The following RHOBTB3 variants were observed in gnomAD, a reference collection of about 807,000 sequenced individuals.
The protein encoded by RHOBTB3 is Rho related BTB domain containing 3.
In RHOBTB3, 47 loss-of-function variants were observed where a neutral mutation model predicts 67.2. That is an observed-to-expected ratio of 0.70 (90% CI 0.55 to 0.89). The LOEUF (loss-of-function observed/expected upper bound fraction) is 0.89. Ranked by LOEUF, RHOBTB3 falls within the 40% of genes least tolerant of loss-of-function variation. RHOBTB3 has a pLI of 0.00. For synonymous variants in RHOBTB3, 273 were observed against 274.2 expected (o/e 1.00, Z 0.04); for missense variants, 631 against 750.0 (o/e 0.84, Z 1.85).
chr5:95,774,490 G>T (rs1209533665), intron 8 of RHOBTB3, among the ~76,000 whole-genome samples: 1 of 152,048 alleles, frequency 6.6e-6, no homozygotes, highest in African/African-American at 2.4e-5. Flanking sequence ...CTTACTGTAG[G>T]TGTAAATTTA....
intron 1 of RHOBTB3, among the ~76,000 whole-genome samples, chr5:95,722,892 AG>A (rs1289442191): frequency 2.0e-5 from 3 of 152,246 alleles, no homozygotes; most frequent in Non-Finnish European, 4.4e-5. Flanking sequence ...TAGTAGAAAC[AG>A]GGAGTTCTGA....
At chr5:95,730,879 G>A (rs1456596308), upstream of RHOBTB3, 3 of 455,872 alleles carry the variant, frequency 6.6e-6, no homozygotes, top group Non-Finnish European at 1.3e-5. Flanking sequence ...GTTGACAAAT[G>A]AGAAAGCGGC....
At chr5:95,721,453 C>G (rs548041228) in intron 1 of RHOBTB3, among the ~76,000 whole-genome samples, 60 of 152,180 alleles carry the variant, frequency 3.9e-4, no homozygotes, top group African/African-American at 1.4e-3. Flanking sequence ...ACAGAATGGG[C>G]CTTGTCGGAG....
intron 3 of RHOBTB3, among the ~76,000 whole-genome samples, chr5:95,738,951 C>T (rs1475902630): frequency 6.6e-6 from 1 of 152,188 alleles, no homozygotes; most frequent in Admixed American, 6.5e-5. Context: ...TTTCTCCCCT[C>T]CTCCCACACA....
chr5:95,778,668 C>T (rs1745962555), intron 8 of RHOBTB3, among the ~76,000 whole-genome samples: 1 of 152,206 alleles, frequency 6.6e-6, no homozygotes, highest in Admixed American at 6.5e-5. Flanking sequence ...TTAAGTCATG[C>T]TTCTAATTTT....
At chr5:95,736,740 A>G in intron 2 of RHOBTB3, 149 bp from the exon 3 acceptor site, 2 of 547,328 alleles carry the variant, frequency 3.7e-6, no homozygotes, top group Non-Finnish European at 6.3e-6. Flanking sequence ...TTTTAAAAAG[A>G]GAGTTGGCAG....
At position 95,793,179 on chromosome 5, in the gene RHOBTB3, G is replaced by C. The variant is rs747123782; in HGVS notation, c.*5G>C. 3 of 1,554,766 alleles carry C rather than the reference G, an allele frequency of 1.9e-6. No individual in the cohort carries two copies. Among genetic ancestry groups the C allele is most frequent in the East Asian group, 4.5e-5 (2 of 44,292 alleles). On this transcript the variant is annotated 3_prime_UTR_variant, in exon 12 of 12. Coordinates refer to ENST00000379982, the MANE Select transcript of RHOBTB3 (RefSeq NM_014899.4). ...TGTCGTTGCTTAGTAATGTAACCTG[G>C]AGCTTTTATACACTACATTTCTTTT...
At position 95,783,778 on chromosome 5, in the gene RHOBTB3, A is replaced by G. The variant is rs1746137806; in HGVS notation, c.1457-19A>G. ...ATGGTTTCATCATCCACTTTCTCTC[A>G]TGTCCCTTTTCTCATCAGCTGGCAT... On this transcript the variant is annotated intron_variant, in intron 9 of 11. Coordinates refer to ENST00000379982, the MANE Select transcript of RHOBTB3 (RefSeq NM_014899.4). 1 of 1,593,104 alleles carries G rather than the reference A, an allele frequency of 6.3e-7. No individual in the cohort carries two copies. Among genetic ancestry groups the G allele is most frequent in the African/African-American group, 1.3e-5 (1 of 74,470 alleles).
At chr5:95,742,679 C>T (rs1755632389) in intron 3 of RHOBTB3, among the ~76,000 whole-genome samples, 1 of 152,156 alleles carries the variant, frequency 6.6e-6, no homozygotes, top group African/African-American at 2.4e-5. Flanking sequence ...TGCTATTCTG[C>T]CTTATTAAAT....
chr5:95,771,074 A>G (rs1325799371), intron 8 of RHOBTB3, among the ~76,000 whole-genome samples: 1 of 152,248 alleles, frequency 6.6e-6, no homozygotes, highest in Non-Finnish European at 1.5e-5. Flanking sequence ...ACAGCAGATG[A>G]GAAGTTAAGA....
intron 3 of RHOBTB3, among the ~76,000 whole-genome samples, chr5:95,747,758 A>C (rs1211243993): frequency 6.6e-6 from 1 of 152,338 alleles, no homozygotes. Flanking sequence ...TCTGAAGTCA[A>C]ATGCGTTAGA....
At position 95,780,438 on chromosome 5, in the gene RHOBTB3, A is replaced by G. The variant is rs1212042995; in HGVS notation, c.1456+13A>G. ...TCCTGCTGCCCAGGTTAGCAATACA[A>G]ATGTTGATAGTATCTCAGAATTCTT... is the stretch of plus-strand genomic sequence containing the variant. On this transcript the variant is annotated intron_variant, in intron 9 of 11. Transcript: ENST00000379982. 6.2e-7 allele frequency: 1 copy of G among 1,608,056 alleles called. No homozygotes were observed. Among genetic ancestry groups the G allele is most frequent in the Non-Finnish European group, 8.5e-7 (1 of 1,174,822 alleles).
intron 2 of RHOBTB3, among the ~76,000 whole-genome samples, chr5:95,734,093 T>C (rs1755387715): frequency 6.6e-6 from 1 of 152,174 alleles, no homozygotes. Flanking sequence ...GCTCTATAAG[T>C]GGTAGCTAAT....
intron 7 of RHOBTB3, among the ~76,000 whole-genome samples, chr5:95,766,276 T>G (rs1745540805): frequency 6.6e-6 from 1 of 151,850 alleles, no homozygotes; most frequent in Admixed American, 6.6e-5. Context: ...GTTATATGTT[T>G]ATTTCTTAGG....
At position 95,761,811 on chromosome 5, in the gene RHOBTB3, G is replaced by A. The variant is rs1745403741; in HGVS notation, c.1049-1697G>A. 2.6e-5 allele frequency among the ~76,000 whole-genome samples: 4 copies of A among 152,190 alleles called. No homozygotes were observed. In the South Asian group the frequency reaches 8.3e-4, roughly 32 times the overall value. On this transcript the variant is annotated intron_variant, in intron 6 of 11. Transcript: ENST00000379982. The stretch of plus-strand genomic sequence containing the variant: ...TAATTTTATTGATCTGGGATCCATT[G>A]GCTTCTAAGGGGTTCTTACACTCTC...
At chr5:95,731,090 G>A (rs1755216932), upstream of RHOBTB3, 2 of 1,098,710 alleles carry the variant, frequency 1.8e-6, no homozygotes, top group African/African-American at 3.4e-5. Context: ...CGGATTGGCG[G>A]CTGGGAGCTC....
At chr5:95,769,251 G>T in intron 8 of RHOBTB3, 1 of 386,746 alleles carries the variant, frequency 2.6e-6, no homozygotes, top group Non-Finnish European at 5.1e-6. Flanking sequence ...TTGGCTTCAA[G>T]GATAAATGTA....
Position 95,788,761 on chromosome 5 carries a change from G to A in RHOBTB3, c.1624-1G>A. The A allele has an allele frequency of 6.3e-7, 1 of 1,582,968 alleles. No individual in the cohort carries two copies. Among genetic ancestry groups the A allele is most frequent in the South Asian group, 1.2e-5 (1 of 85,534 alleles). On this transcript the variant is annotated splice_acceptor_variant, in intron 10 of 11. Coordinates refer to ENST00000379982, the MANE Select transcript of RHOBTB3 (RefSeq NM_014899.4). LOFTEE classifies it high-confidence loss of function. ...TATTTCACTTTTCATTTTTCTTGCA[G>A]TTTCACCACTCTGATTGCCTTTCAA...
intron 6 of RHOBTB3, among the ~76,000 whole-genome samples, chr5:95,762,910 G>T (rs1027450906): frequency 6.6e-6 from 1 of 152,304 alleles, no homozygotes; most frequent in East Asian, 1.9e-4. Flanking sequence ...TAGGAAGAGA[G>T]TTTTGAAGTG....
Sources: allele counts gnomAD v4.1 joint callset (sites outside exome capture counted in the v4.1 genomes callset), GRCh38; gene constraint gnomAD v4.1.1; transcripts MANE v1.5; gene names NCBI Gene and HGNC (gene_info 2026-07-23, HGNC 2026-07-21).